Variants in PIK3C2G observed in about 807,000 individuals in gnomAD.
PIK3C2G encodes phosphatidylinositol-4-phosphate 3-kinase catalytic subunit type 2 gamma.
In PIK3C2G, 168 loss-of-function variants were observed where a neutral mutation model predicts 181.1. That is an observed-to-expected ratio of 0.93 (90% CI 0.82 to 1.05). The LOEUF is 1.05. PIK3C2G is among the 50% of genes least tolerant of loss of function. The pLI, the probability that PIK3C2G is intolerant of heterozygous loss-of-function variation, is 0.00. For synonymous variants in PIK3C2G, 573 were observed against 592.2 expected, an observed-to-expected ratio of 0.97 and a Z score of 0.47; for missense variants, 1,869 against 1,732.8, an observed-to-expected ratio of 1.08 and a Z score of -1.40.
rs750979341 is a variant in PIK3C2G, at chr12:18,640,472, A to G, written c.4226A>G (p.Tyr1409Cys). The G allele has an allele frequency of 1.2e-6, 2 of 1,609,658 alleles. No individual in the cohort carries two copies. Among genetic ancestry groups the G allele is most frequent in the Non-Finnish European group, 1.7e-6 (2 of 1,177,500 alleles). The change falls in exon 32 of 33, where the codon TAT (tyrosine) becomes TGT (cysteine). Residue 1409 changes from tyrosine (Y) to cysteine (C), a missense_variant. By Grantham distance (194) the Tyr-to-Cys change is radical (BLOSUM62 -2). Transcript: ENST00000538779. The stretch of plus-strand genomic sequence containing the variant: ...GCGCCCAGTGCACATGTTGAATTTT[A>G]TCTTTTACCATATCCCAGTGAAGTT... ...GSAPSAHVEFYLLPYPSEVRR... is the reference protein window; with the variant it reads ...GSAPSAHVEFCLLPYPSEVRR...
At chr12:18,339,364 C>A (rs992337448) in intron 9 of PIK3C2G, among the ~76,000 whole-genome samples, 12 of 152,074 alleles carry the variant, frequency 7.9e-5, no homozygotes, top group Non-Finnish European at 1.5e-4. Context: ...TAGATGCTCA[C>A]AGCAATGTCA....
chr12:18,601,714 G>A (rs1255739724), intron 30 of PIK3C2G, among the ~76,000 whole-genome samples: 3 of 151,920 alleles, frequency 2.0e-5, no homozygotes, highest in African/African-American at 7.3e-5. Context: ...TTTTCACAGA[G>A]TTTGAAAAAA....
intron 32 of PIK3C2G, among the ~76,000 whole-genome samples, chr12:18,643,505 T>A (rs1478369537): frequency 6.6e-6 from 1 of 151,976 alleles, no homozygotes; most frequent in Non-Finnish European, 1.5e-5. Context: ...CTGGGTGAAT[T>A]CCAAGAGCCA....
chr12:18,602,583 C>T (rs1947794025), intron 30 of PIK3C2G, among the ~76,000 whole-genome samples: 1 of 152,014 alleles, frequency 6.6e-6, no homozygotes. Flanking sequence ...AGCACAAGAG[C>T]ATTAAACCAC....
chr12:18,622,222 C>T (rs1431577797), intron 31 of PIK3C2G, among the ~76,000 whole-genome samples: 1 of 151,846 alleles, frequency 6.6e-6, no homozygotes, highest in African/African-American at 2.4e-5. Flanking sequence ...TTTCCCACAC[C>T]TCTAGCCTTT....
At chr12:18,507,589 A>G (rs1386989313) in intron 24 of PIK3C2G, among the ~76,000 whole-genome samples, 2 of 152,206 alleles carry the variant, frequency 1.3e-5, no homozygotes, top group African/African-American at 4.8e-5. Context: ...ACTTGAGTGT[A>G]TATAAAATTT....
At chr12:18,388,908 C>A (rs1943354926) in intron 14 of PIK3C2G, among the ~76,000 whole-genome samples, 1 of 152,042 alleles carries the variant, frequency 6.6e-6, no homozygotes, top group Admixed American at 6.5e-5. Context: ...CTCTATCCCC[C>A]CCAAAAAAAC....
chr12:18,415,388 C>T (rs1046085181), intron 16 of PIK3C2G, among the ~76,000 whole-genome samples: 18 of 152,222 alleles, frequency 1.2e-4, no homozygotes, highest in African/African-American at 4.3e-4. Context: ...CCACAAGGTG[C>T]ACCCACAGTA....
chr12:18,385,815 C>T (rs1793855731), intron 14 of PIK3C2G, among the ~76,000 whole-genome samples: 1 of 152,110 alleles, frequency 6.6e-6, no homozygotes, highest in Admixed American at 6.5e-5. Flanking sequence ...ATCCACCTAT[C>T]TCGGACCCCC....
At chr12:18,335,019 A>G (rs1191601186) in intron 8 of PIK3C2G, among the ~76,000 whole-genome samples, 1 of 152,104 alleles carries the variant, frequency 6.6e-6, no homozygotes, top group African/African-American at 2.4e-5. Flanking sequence ...GTATAAATTA[A>G]TACCCCAGAG....
In PIK3C2G at chr12:18,566,978, C is replaced by T. The variant is rs1165511533; in HGVS notation, c.3932C>T (p.Thr1311Ile). The change falls in exon 29 of 33, where the codon ACA becomes ATA. Residue 1311 changes from threonine (T) to isoleucine (I), a missense_variant. Transcript: ENST00000538779. Reference sequence around the variant, plus strand: ...CCTCATTGGTGGCACCTACCTTTTACAAATTCAGATCACAGAAGATTCAGA... The same window carrying T: ...CCTCATTGGTGGCACCTACCTTTTATAAATTCAGATCACAGAAGATTCAGA... The part of the protein sequence containing the change: ...EFPHWWHLPF[T>I]NSDHRRFRDL... The T allele has an allele frequency of 6.3e-7, 1 of 1,599,760 alleles. No individual in the cohort carries two copies. Among genetic ancestry groups the T allele is most frequent in the Admixed American group, 1.7e-5 (1 of 59,856 alleles).
the PIK3C2G span, among the ~76,000 whole-genome samples, chr12:18,673,928 T>C: frequency 9.2e-5 from 14 of 152,272 alleles, no homozygotes; most frequent in South Asian, 4.1e-4. Flanking sequence ...AAGAAAACAA[T>C]TGTCTACTAG....
At chr12:18,702,953 T>C in the PIK3C2G span, among the ~76,000 whole-genome samples, 1 of 151,560 alleles carries the variant, frequency 6.6e-6, no homozygotes, top group South Asian at 2.1e-4. Context: ...CCCAAGTAGC[T>C]GGGATTACAG....
intron 18 of PIK3C2G, among the ~76,000 whole-genome samples, chr12:18,425,616 T>G (rs1053755400): frequency 1.3e-4 from 20 of 152,104 alleles, no homozygotes; most frequent in Non-Finnish European, 1.5e-5. Flanking sequence ...TGTCTTCATC[T>G]CTTGACCTCA....
chr12:18,717,845 A>G, the PIK3C2G span, among the ~76,000 whole-genome samples: 1 of 152,192 alleles, frequency 6.6e-6, no homozygotes, highest in Non-Finnish European at 1.5e-5. Context: ...TTTCAACATT[A>G]TGATAATGCA....
At chr12:18,586,388 G>A (rs571124538) in intron 29 of PIK3C2G, among the ~76,000 whole-genome samples, 1 of 151,978 alleles carries the variant, frequency 6.6e-6, no homozygotes, top group South Asian at 2.1e-4. Context: ...ATGACAAAGG[G>A]GACATTACCA....
At chr12:18,277,010 T>C (rs189288975) in intron 1 of PIK3C2G, among the ~76,000 whole-genome samples, 80 of 152,312 alleles carry the variant, frequency 5.3e-4, no homozygotes, top group Admixed American at 9.2e-4. Flanking sequence ...TAAAGATTAA[T>C]GTTTTCCCCA....
the PIK3C2G span, among the ~76,000 whole-genome samples, chr12:18,657,999 T>G: frequency 6.6e-6 from 1 of 151,874 alleles, no homozygotes; most frequent in Non-Finnish European, 1.5e-5. Context: ...TAAAGAGACA[T>G]ATTATGAAGT....
intron 12 of PIK3C2G, among the ~76,000 whole-genome samples, chr12:18,363,371 C>T (rs1158192827): frequency 6.6e-6 from 1 of 152,014 alleles, no homozygotes; most frequent in African/African-American, 2.4e-5. Flanking sequence ...TGACTGGCTC[C>T]CACTTCCTTC....
Sources: gnomAD v4.1 joint callset for allele counts (sites outside exome capture counted in the v4.1 genomes callset) on GRCh38, gnomAD v4.1.1 for gene constraint, MANE v1.5 for transcripts, NCBI Gene and HGNC (gene_info 2026-07-23, HGNC 2026-07-21) for gene names.